Variants in SLC24A2 observed in about 807,000 individuals in gnomAD.
SLC24A2 encodes sodium/potassium/calcium exchanger 2.
SLC24A2 carries 36 observed loss-of-function variants against 62.0 expected under a neutral mutation model. The observed-to-expected ratio is 0.58, with a 90% CI of 0.44 to 0.77. SLC24A2 has a LOEUF of 0.77. Ranked by LOEUF, SLC24A2 falls within the 30% of genes least tolerant of loss-of-function variation. The pLI is 0.00. For synonymous variants in SLC24A2, 358 were observed against 294.0 expected (o/e 1.22, Z -2.23); for missense variants, 846 against 817.9 (o/e 1.03, Z -0.42).
chr9:20,213,942 G>T, the SLC24A2 span, among the ~76,000 whole-genome samples: 1 of 152,122 alleles, frequency 6.6e-6, no homozygotes, highest in African/African-American at 2.4e-5. Flanking sequence ...ACATGCCCAT[G>T]TAAGCGGCAT....
intron 2 of SLC24A2, among the ~76,000 whole-genome samples, chr9:19,630,147 C>T (rs1818140315): frequency 6.6e-6 from 1 of 152,020 alleles, no homozygotes; most frequent in Non-Finnish European, 1.5e-5. Flanking sequence ...TACCTGTGGC[C>T]TAATCATTAC....
chr9:20,083,334 C>T, the SLC24A2 span, among the ~76,000 whole-genome samples: 1 of 150,094 alleles, frequency 6.7e-6, no homozygotes, highest in Non-Finnish European at 1.5e-5. Context: ...TTACAACTGA[C>T]CAAATGAGCA....
At chr9:19,676,479 T>C (rs59989849) in intron 2 of SLC24A2, among the ~76,000 whole-genome samples, 4,887 of 152,322 alleles carry the variant, frequency 0.032, 289 homozygotes, top group African/African-American at 0.11. Context: ...GTCCTGGCAC[T>C]GCGGCAGCTG....
At chr9:19,577,233 C>T (rs1242683312) in intron 5 of SLC24A2, among the ~76,000 whole-genome samples, 1 of 152,156 alleles carries the variant, frequency 6.6e-6, no homozygotes, top group African/African-American at 2.4e-5. Flanking sequence ...TCTCTTCCCT[C>T]CCTTCCCAGT....
At chr9:20,138,460 ACT>A in the SLC24A2 span, among the ~76,000 whole-genome samples, 1 of 152,092 alleles carries the variant, frequency 6.6e-6, no homozygotes, top group South Asian at 2.1e-4. Flanking sequence ...CAGGTGACTG[ACT>A]CTCTTTTCCT....
the SLC24A2 span, among the ~76,000 whole-genome samples, chr9:20,243,940 C>G: frequency 6.6e-6 from 1 of 151,426 alleles, no homozygotes; most frequent in African/African-American, 2.4e-5. Flanking sequence ...GGAGGGACCT[C>G]GAGAGGAAGG....
the SLC24A2 span, among the ~76,000 whole-genome samples, chr9:20,198,615 G>A: frequency 1.3e-5 from 2 of 152,126 alleles, no homozygotes; most frequent in African/African-American, 4.8e-5. Context: ...GGGTGTTGGG[G>A]AGAGGCAATT....
At chr9:20,010,670 T>G in the SLC24A2 span, among the ~76,000 whole-genome samples, 1 of 152,136 alleles carries the variant, frequency 6.6e-6, no homozygotes, top group Non-Finnish European at 1.5e-5. Context: ...GCAGGTTTGT[T>G]ACATATGTAT....
chr9:19,940,685 G>C, the SLC24A2 span, among the ~76,000 whole-genome samples: 1 of 152,170 alleles, frequency 6.6e-6, no homozygotes, highest in Non-Finnish European at 1.5e-5. Flanking sequence ...TGCTGACAAA[G>C]GGCCATTTGT....
In SLC24A2 at chr9:19,511,687, G is replaced by C. The variant is rs993972871; in HGVS notation, c.*4466C>G. The C allele has an allele frequency of 1.3e-5, 2 of 152,186 alleles. No individual in the cohort carries two copies. Among genetic ancestry groups the C allele is most frequent in the Non-Finnish European group, 2.9e-5 (2 of 68,032 alleles). The allele number at this position is 152,186 out of a possible 1,614,324, so 9.4% of individuals were successfully genotyped here. ...CGTTAAGGAATATGTGGCTTAGCAA[G>C]AGTGAGCACTGACTTCTATGCATGC... On this transcript the variant is annotated 3_prime_UTR_variant, in exon 11 of 11. Coordinates refer to ENST00000341998, the MANE Select transcript of SLC24A2 (RefSeq NM_020344.4).
the SLC24A2 span, among the ~76,000 whole-genome samples, chr9:20,068,934 A>T: frequency 6.6e-6 from 1 of 152,138 alleles, no homozygotes; most frequent in East Asian, 1.9e-4. Context: ...GCTTTCACTG[A>T]TGCATCAAAC....
the SLC24A2 span, among the ~76,000 whole-genome samples, chr9:19,798,876 G>A: frequency 1.3e-5 from 2 of 151,802 alleles, no homozygotes; most frequent in African/African-American, 2.4e-5. Context: ...TTTATTTCTG[G>A]TTAAAAAATG....
the SLC24A2 span, among the ~76,000 whole-genome samples, chr9:20,030,472 G>A: frequency 6.6e-6 from 1 of 152,152 alleles, no homozygotes; most frequent in Non-Finnish European, 1.5e-5. Context: ...GGCTCCAAGT[G>A]CCATACTATG....
chr9:20,024,160 G>T, the SLC24A2 span, among the ~76,000 whole-genome samples: 2 of 152,176 alleles, frequency 1.3e-5, no homozygotes, highest in Non-Finnish European at 2.9e-5. Context: ...TGGGGTGCTT[G>T]CTTCAAAGCC....
At chr9:20,201,401 C>CA in the SLC24A2 span, among the ~76,000 whole-genome samples, 2 of 152,042 alleles carry the variant, frequency 1.3e-5, no homozygotes, top group African/African-American at 2.4e-5. Flanking sequence ...ACTGACATGG[C>CA]AAAAAACCAC....
intron 8 of SLC24A2, among the ~76,000 whole-genome samples, chr9:19,547,402 G>A (rs957030842): frequency 3.3e-5 from 5 of 152,104 alleles, no homozygotes; most frequent in South Asian, 2.1e-4. Flanking sequence ...GTGCCTCTCC[G>A]GATTGTGGCA....
rs2132593903 is a variant in SLC24A2 at position 19,507,924 on chromosome 9, A to G, written c.*8229T>C. The G allele has an allele frequency of 6.6e-6, 1 of 152,216 alleles. No homozygotes were observed. The highest frequency in any genetic ancestry group is 1.9e-4 in the East Asian group (1 of 5,194). The allele number at this position is 152,216 out of a possible 1,614,324, so 9.4% of individuals were successfully genotyped here. On this transcript the variant is annotated 3_prime_UTR_variant, in exon 11 of 11. Coordinates refer to ENST00000341998, the MANE Select transcript of SLC24A2 (RefSeq NM_020344.4). The stretch of plus-strand genomic sequence containing the variant: ...ATGGCATTCTGATATTTTTAACATA[A>G]CCTGTCTAAAAGACAGTTTATATGT...
the SLC24A2 span, among the ~76,000 whole-genome samples, chr9:19,943,593 CAA>C: frequency 1.1e-4 from 17 of 152,134 alleles, no homozygotes; most frequent in African/African-American, 4.1e-4. Flanking sequence ...AAAGAAAACT[CAA>C]GAGTGCATTT....
At chr9:19,605,647 CTG>C (rs1240495080) in intron 4 of SLC24A2, among the ~76,000 whole-genome samples, 1 of 152,166 alleles carries the variant, frequency 6.6e-6, no homozygotes, top group East Asian at 1.9e-4. Flanking sequence ...GATTGAACCA[CTG>C]AAAGCTGTCT....
Sources: allele counts gnomAD v4.1 joint callset (sites outside exome capture counted in the v4.1 genomes callset), GRCh38; gene constraint gnomAD v4.1.1; transcripts MANE v1.5; gene names NCBI Gene and HGNC (gene_info 2026-07-23, HGNC 2026-07-21).